Variants in COL4A1 observed in about 807,000 individuals in gnomAD.
COL4A1 encodes the protein collagen alpha-1(IV) chain.
Under a neutral mutation model 216.6 loss-of-function variants are expected in COL4A1, and 40 were observed. The ratio of observed to expected loss-of-function variants is 0.18; its 90% CI spans 0.14 to 0.24. The LOEUF is 0.24. Ranked by LOEUF, COL4A1 falls within the 10% of genes least tolerant of loss-of-function variation. COL4A1 has a pLI of 1.00. For missense variants in COL4A1, 1,628 were observed against 2,196.8 expected, an observed-to-expected ratio of 0.74 and a Z score of 5.18; for synonymous variants, 839 against 810.7, an observed-to-expected ratio of 1.03 and a Z score of -0.59.
intron 20 of COL4A1, among the ~76,000 whole-genome samples, chr13:110,200,565 C>T (rs1320775096): frequency 1.3e-5 from 2 of 152,086 alleles, no homozygotes; most frequent in African/African-American, 4.8e-5. Context: ...AAGAGGGGGG[C>T]AGGCTGGCTC....
intron 1 of COL4A1, among the ~76,000 whole-genome samples, chr13:110,246,252 A>G (rs1881806726): frequency 6.6e-6 from 1 of 152,026 alleles, no homozygotes; most frequent in Non-Finnish European, 1.5e-5. Context: ...AAATATCACT[A>G]TTCTGGTCCT....
rs776863504 is a variant in COL4A1 at position 110,210,185 on chromosome 13, C to T, written c.496G>A (p.Val166Met). Residue 166 changes from valine (V) to methionine (M), a missense_variant, in exon 9 of 52, where the codon GTG (valine) becomes ATG (methionine). Around this residue, in one of 8 missense-constraint regions of COL4A1, gnomAD observed 150 missense variants for 211.9 expected, o/e 0.71. Coordinates refer to ENST00000375820, the MANE Select transcript of COL4A1 (RefSeq NM_001845.6). ...TCACCTTTCAACAGCATCCCGGGCACATGGCCAAGTATCTCACCTGGATCA... is the reference window on the plus strand; with the variant it reads ...TCACCTTTCAACAGCATCCCGGGCATATGGCCAAGTATCTCACCTGGATCA... ...KGDPGEILGH[V>M]PGMLLKGERG... 21 of 1,613,702 alleles carry T rather than the reference C, an allele frequency of 1.3e-5. 1 individual carries two copies. In the South Asian group the frequency reaches 2.3e-4, roughly 18 times the overall value.
intron 1 of COL4A1, among the ~76,000 whole-genome samples, chr13:110,283,508 T>C (rs1566442576): frequency 1.3e-5 from 2 of 152,158 alleles, no homozygotes; most frequent in African/African-American, 4.8e-5. Flanking sequence ...ACGCACACTC[T>C]CACGCACACA....
At chr13:110,241,718 T>A (rs528465187) in intron 2 of COL4A1, among the ~76,000 whole-genome samples, 1 of 152,358 alleles carries the variant, frequency 6.6e-6, no homozygotes, top group South Asian at 2.1e-4. Flanking sequence ...AAAATAATAA[T>A]GTTGGCATTT....
At chr13:110,179,564 G>A in intron 29 of COL4A1, 143 bp from the exon 30 acceptor site, 1 of 1,236,536 alleles carries the variant, frequency 8.1e-7, no homozygotes, top group Non-Finnish European at 1.2e-6. Context: ...TCAAGCGTTT[G>A]CAAAGCTTCC....
intron 20 of COL4A1, 121 bp downstream of exon 20, chr13:110,200,733 T>C (rs1879152425): frequency 1.9e-6 from 2 of 1,079,646 alleles, no homozygotes; most frequent in Middle Eastern, 2.1e-4. Context: ...AGAAAAGATG[T>C]CGTAAGATTG....
chr13:110,201,450 G>A lies in COL4A1; in HGVS notation c.1072C>T (p.Pro358Ser). 11 of 1,613,974 alleles carry A rather than the reference G, an allele frequency of 6.8e-6. No individual in the cohort carries two copies. The highest frequency in any genetic ancestry group is 9.3e-6 in the Non-Finnish European group (11 of 1,179,982). The change falls in exon 19 of 52, where the codon CCA becomes TCA. Residue 358 changes from proline (P) to serine (S), a missense_variant. Physicochemically the swap from Pro to Ser is moderately conservative, Grantham distance 74. Transcript: ENST00000375820. ...YPGTPGPRGE[P>S]GPKGFPGLPG... is the part of the protein sequence containing the mutation. ...GCAAGAAAGCTACCTTTTGGGCCTGGCTCTCCTCTTGGCCCCGGAGTTCCA... is the reference window on the plus strand; with the variant it reads ...GCAAGAAAGCTACCTTTTGGGCCTGACTCTCCTCTTGGCCCCGGAGTTCCA...
chr13:110,282,168 G>A (rs1883658072), intron 1 of COL4A1, among the ~76,000 whole-genome samples: 1 of 152,204 alleles, frequency 6.6e-6, no homozygotes, highest in Non-Finnish European at 1.5e-5. Context: ...TGCTGGAGAG[G>A]TGGCATATCA....
intron 1 of COL4A1, among the ~76,000 whole-genome samples, chr13:110,259,403 T>C (rs1882712039): frequency 6.6e-6 from 1 of 152,102 alleles, no homozygotes; most frequent in South Asian, 2.1e-4. Flanking sequence ...CAATACTACT[T>C]AAAAAAAATT....
intron 1 of COL4A1, among the ~76,000 whole-genome samples, chr13:110,273,379 T>C (rs1368591985): frequency 6.6e-6 from 1 of 152,240 alleles, no homozygotes; most frequent in Non-Finnish European, 1.5e-5. Context: ...GAGTGCATCT[T>C]AGACCACCAT....
intron 2 of COL4A1, among the ~76,000 whole-genome samples, chr13:110,215,762 G>A (rs1880041995): frequency 6.6e-6 from 1 of 152,210 alleles, no homozygotes; most frequent in Non-Finnish European, 1.5e-5. Context: ...CTTTCTCAAA[G>A]TTGCATTAGT....
chr13:110,301,405 G>A (rs928925511), intron 1 of COL4A1, among the ~76,000 whole-genome samples: 3 of 152,246 alleles, frequency 2.0e-5, no homozygotes, highest in Non-Finnish European at 4.4e-5. Flanking sequence ...AAATGACAAT[G>A]TAACTCCAAG....
chr13:110,253,601 ATG>A (rs1173637645), intron 1 of COL4A1, among the ~76,000 whole-genome samples: 4 of 144,772 alleles, frequency 2.8e-5, no homozygotes, highest in African/African-American at 7.5e-5. Context: ...AATTATACGT[ATG>A]TATGTATTAC....
intron 1 of COL4A1, among the ~76,000 whole-genome samples, chr13:110,249,439 C>A (rs2139255574): frequency 6.6e-6 from 1 of 152,264 alleles, no homozygotes; most frequent in Non-Finnish European, 1.5e-5. Flanking sequence ...GGGGTATATT[C>A]ACGGAAGGGA....
intron 2 of COL4A1, among the ~76,000 whole-genome samples, chr13:110,230,282 GTGTA>G: frequency 6.6e-6 from 1 of 151,952 alleles, no homozygotes; most frequent in South Asian, 2.1e-4. Flanking sequence ...TGTGTGGTGC[GTGTA>G]TATGTATGTG....
At chr13:110,193,974 A>C (rs754834030) in intron 22 of COL4A1, among the ~76,000 whole-genome samples, 2 of 152,142 alleles carry the variant, frequency 1.3e-5, no homozygotes, top group Non-Finnish European at 2.9e-5. Context: ...GAATGGGAAG[A>C]CTCGAGAAGA....
At chr13:110,243,769 A>G (rs1881667960) in intron 1 of COL4A1, among the ~76,000 whole-genome samples, 1 of 152,262 alleles carries the variant, frequency 6.6e-6, no homozygotes, top group Admixed American at 6.5e-5. Flanking sequence ...TTTAATGATC[A>G]TAACAAGCAT....
intron 1 of COL4A1, among the ~76,000 whole-genome samples, chr13:110,247,931 A>G (rs1158421977): frequency 6.6e-6 from 1 of 151,432 alleles, no homozygotes; most frequent in Non-Finnish European, 1.5e-5. Flanking sequence ...ATTTGGAATG[A>G]GTTAAACAGG....
At chr13:110,150,646 A>G (rs1312955700) in intron 51 of COL4A1, among the ~76,000 whole-genome samples, 1 of 152,240 alleles carries the variant, frequency 6.6e-6, no homozygotes, top group Non-Finnish European at 1.5e-5. Context: ...GCAGGTTACC[A>G]GCTGCACACC....
Sources: gnomAD v4.1 joint callset for allele counts (sites outside exome capture counted in the v4.1 genomes callset) on GRCh38, gnomAD v4.1.1 for gene constraint, gnomAD v4.1.1 regional missense constraint, MANE v1.5 for transcripts, NCBI Gene and HGNC (gene_info 2026-07-23, HGNC 2026-07-21) for gene names.